TMEM132B: variants seen among roughly 807,000 people sequenced by gnomAD.
TMEM132B encodes transmembrane protein 132B.
Under a neutral mutation model 90.8 loss-of-function variants are expected in TMEM132B, and 18 were observed. The ratio of observed to expected loss-of-function variants is 0.20; its 90% CI spans 0.14 to 0.29. The LOEUF is 0.29. Among genes scored for constraint, TMEM132B ranks in the 10% least tolerant of loss-of-function variants. The pLI, the probability that TMEM132B is intolerant of heterozygous loss-of-function variation, is 1.00. For synonymous variants in TMEM132B, 504 were observed against 523.3 expected, an observed-to-expected ratio of 0.96 and a Z score of 0.50; for missense variants, 1,096 against 1,326.8, an observed-to-expected ratio of 0.83 and a Z score of 2.70.
intron 5 of TMEM132B, among the ~76,000 whole-genome samples, chr12:125,624,109 G>A (rs1181606421): frequency 1.3e-5 from 2 of 152,252 alleles, no homozygotes; most frequent in Admixed American, 6.5e-5. Context: ...AACCAACAGA[G>A]AGAGATAAAG....
chr12:125,505,166 CAAAAAA>C (rs71306287), intron 3 of TMEM132B, among the ~76,000 whole-genome samples: 4 of 28,588 alleles, frequency 1.4e-4, no homozygotes, highest in Non-Finnish European at 2.1e-4. Flanking sequence ...CACCAGAGGA[CAAAAAA>C]AAAAAAAAAA....
chr12:125,212,619 G>A (rs1215312942), intron 1 of TMEM132B, among the ~76,000 whole-genome samples: 7 of 152,046 alleles, frequency 4.6e-5, no homozygotes, highest in East Asian at 1.9e-4. Flanking sequence ...ACTTGAATCC[G>A]GGAGGTGGAG....
chr12:125,457,644 G>A (rs1036551885), intron 3 of TMEM132B, among the ~76,000 whole-genome samples: 8 of 152,202 alleles, frequency 5.3e-5, no homozygotes, highest in African/African-American at 1.9e-4. Context: ...TGATTTGGCT[G>A]GTGACAGGAT....
At chr12:125,553,643 A>G (rs1006017188) in intron 4 of TMEM132B, among the ~76,000 whole-genome samples, 1 of 152,226 alleles carries the variant, frequency 6.6e-6, no homozygotes, top group Non-Finnish European at 1.5e-5. Context: ...TACATAGTGC[A>G]TGAGCTTTGT....
intron 1 of TMEM132B, among the ~76,000 whole-genome samples, chr12:125,289,192 C>G (rs1038159926): frequency 2.0e-5 from 3 of 152,138 alleles, no homozygotes; most frequent in Admixed American, 1.3e-4. Context: ...CCCATACTCT[C>G]TGCCAAAGGA....
chr12:125,465,474 A>T (rs1844915), intron 3 of TMEM132B, among the ~76,000 whole-genome samples: 7,580 of 152,292 alleles, frequency 0.05, 294 homozygotes, highest in South Asian at 0.074. Flanking sequence ...GTATCTAGAA[A>T]TGAACTGCTC....
chr12:125,620,534 A>T (rs1469486262), intron 5 of TMEM132B, among the ~76,000 whole-genome samples: 1 of 152,238 alleles, frequency 6.6e-6, no homozygotes, highest in African/African-American at 2.4e-5. Flanking sequence ...TTCTCCAATG[A>T]TAAAACAAAC....
chr12:125,522,798 C>T (rs1467909577), intron 4 of TMEM132B, among the ~76,000 whole-genome samples: 1 of 152,214 alleles, frequency 6.6e-6, no homozygotes, highest in Non-Finnish European at 1.5e-5. Context: ...AGAAAGTCAA[C>T]CCTTTCCTCC....
At chr12:125,403,693 C>A (rs976766753) in intron 2 of TMEM132B, among the ~76,000 whole-genome samples, 1 of 152,124 alleles carries the variant, frequency 6.6e-6, no homozygotes, top group African/African-American at 2.4e-5. Flanking sequence ...AGGAAAATGT[C>A]AATAGTTTGG....
intron 5 of TMEM132B, among the ~76,000 whole-genome samples, chr12:125,600,317 T>C (rs963298132): frequency 1.3e-5 from 2 of 152,200 alleles, no homozygotes; most frequent in Admixed American, 1.3e-4. Flanking sequence ...GTCCACTCTT[T>C]CCTTCACCTC....
At chr12:125,600,330 G>T (rs1342387907) in intron 5 of TMEM132B, among the ~76,000 whole-genome samples, 1 of 152,056 alleles carries the variant, frequency 6.6e-6, no homozygotes, top group Non-Finnish European at 1.5e-5. Context: ...TTCACCTCTG[G>T]CCAGTCCCTG....
chr12:125,242,145 A>G (rs1006248644), intron 1 of TMEM132B, among the ~76,000 whole-genome samples: 1 of 152,148 alleles, frequency 6.6e-6, no homozygotes, highest in African/African-American at 2.4e-5. Context: ...CAGTCCTAGT[A>G]TCACCCCCAT....
At chr12:125,310,617 C>T (rs1190182587) in intron 1 of TMEM132B, among the ~76,000 whole-genome samples, 1 of 152,176 alleles carries the variant, frequency 6.6e-6, no homozygotes, top group Non-Finnish European at 1.5e-5. Context: ...ACTCGGAAAG[C>T]TCCCAGCCAC....
At chr12:125,417,314 C>T (rs969158006) in intron 3 of TMEM132B, among the ~76,000 whole-genome samples, 6 of 152,176 alleles carry the variant, frequency 3.9e-5, no homozygotes, top group East Asian at 1.9e-4. Flanking sequence ...CTTATCAATA[C>T]GCAGTGGGTT....
chr12:125,264,396 A>C (rs1219394949), intron 1 of TMEM132B, among the ~76,000 whole-genome samples: 1 of 152,204 alleles, frequency 6.6e-6, no homozygotes, highest in Non-Finnish European at 1.5e-5. Context: ...TTTTGGAGGC[A>C]ATCACTCTAC....
At chr12:125,424,173 T>G (rs1880249986) in intron 3 of TMEM132B, among the ~76,000 whole-genome samples, 1 of 152,248 alleles carries the variant, frequency 6.6e-6, no homozygotes, top group South Asian at 2.1e-4. Context: ...CTGTTAAACG[T>G]TCCTTTAAAA....
intron 2 of TMEM132B, among the ~76,000 whole-genome samples, chr12:125,401,504 A>T (rs1879320861): frequency 6.6e-6 from 1 of 152,126 alleles, no homozygotes; most frequent in Non-Finnish European, 1.5e-5. Flanking sequence ...ATTTGTCCAG[A>T]TCTGAAGGAG....
chr12:125,481,035 A>G (rs1882027988), intron 3 of TMEM132B, among the ~76,000 whole-genome samples: 1 of 152,222 alleles, frequency 6.6e-6, no homozygotes, highest in African/African-American at 2.4e-5. Flanking sequence ...TAGACACAGA[A>G]AAGGCCTTCG....
chr12:125,235,802 CTTTTTTT>C (rs61643412), intron 1 of TMEM132B, among the ~76,000 whole-genome samples: 2 of 107,416 alleles, frequency 1.9e-5, no homozygotes, highest in Admixed American at 1.2e-4. Flanking sequence ...CACTTCATTC[CTTTTTTT>C]TTTTTTTTTT....
Sources: gnomAD v4.1 joint callset for allele counts (sites outside exome capture counted in the v4.1 genomes callset) on GRCh38, gnomAD v4.1.1 for gene constraint, MANE v1.5 for transcripts, NCBI Gene and HGNC (gene_info 2026-07-23, HGNC 2026-07-21) for gene names.